The following ADAMTS2 variants were observed in gnomAD, a reference collection of about 807,000 sequenced individuals.
The protein encoded by ADAMTS2 is A disintegrin and metalloproteinase with thrombospondin motifs 2.
A neutral mutation model predicts 123.0 loss-of-function variants in ADAMTS2; 50 were observed. The observed-to-expected ratio is 0.41, with a 90% CI of 0.32 to 0.51. ADAMTS2 has a LOEUF of 0.51. Among genes scored for constraint, ADAMTS2 ranks in the 20% least tolerant of loss-of-function variants. The pLI is 0.35. For missense variants in ADAMTS2, 1,494 were observed against 1,705.2 expected, an observed-to-expected ratio of 0.88 and a Z score of 2.18; for synonymous variants, 678 against 695.4, an observed-to-expected ratio of 0.98 and a Z score of 0.39.
At chr5:179,250,411 G>A (rs1765891529) in intron 3 of ADAMTS2, among the ~76,000 whole-genome samples, 1 of 152,196 alleles carries the variant, frequency 6.6e-6, no homozygotes, top group Non-Finnish European at 1.5e-5. Flanking sequence ...CGTGGGTACA[G>A]GGTTTCTTTT....
chr5:179,123,403 T>TTTTTG (rs1156954102), intron 19 of ADAMTS2, among the ~76,000 whole-genome samples: 19 of 152,264 alleles, frequency 1.2e-4, no homozygotes, highest in South Asian at 1.0e-3. Context: ...AAGGTCTGTG[T>TTTTTG]TTTTGTTTTG....
rs1756722638 is a variant in ADAMTS2, at chr5:179,307,889, C to T, written c.535-34825G>A. Among the ~76,000 whole-genome samples, 1 of 152,184 alleles carries T rather than the reference C, an allele frequency of 6.6e-6. No homozygotes were observed. The highest frequency in any genetic ancestry group is 2.4e-5 in the African/African-American group (1 of 41,426). On this transcript the variant is annotated intron_variant, in intron 2 of 21. Coordinates refer to ENST00000251582, the MANE Select transcript of ADAMTS2 (RefSeq NM_014244.5). This position sits in a 1 kb window ranked among gnomAD's most constrained non-coding sequence, Gnocchi z 5.6. ...TCCTATTTTTTTGTAACACCATTTC[C>T]CAATCATCGACACGTGGGTTCTTTA...
At chr5:179,267,892 T>C (rs1766414950) in intron 3 of ADAMTS2, among the ~76,000 whole-genome samples, 1 of 152,090 alleles carries the variant, frequency 6.6e-6, no homozygotes, top group South Asian at 2.1e-4. Flanking sequence ...ACTTCCTGAG[T>C]GACTCCCCAG....
At chr5:179,299,848 A>G (rs547812101) in intron 2 of ADAMTS2, among the ~76,000 whole-genome samples, 2 of 151,896 alleles carry the variant, frequency 1.3e-5, no homozygotes, top group South Asian at 4.2e-4. Flanking sequence ...TAATCCCAGC[A>G]CTTTGGGAGG....
At chr5:179,342,985 C>T (rs368711292) in intron 2 of ADAMTS2, among the ~76,000 whole-genome samples, 3 of 152,212 alleles carry the variant, frequency 2.0e-5, no homozygotes, top group Admixed American at 6.5e-5. Context: ...GTCCTTCAGG[C>T]GCTGCCCCCA....
At chr5:179,147,140 G>A (rs184971982) in intron 10 of ADAMTS2, among the ~76,000 whole-genome samples, 7 of 152,268 alleles carry the variant, frequency 4.6e-5, no homozygotes, top group African/African-American at 1.7e-4. Flanking sequence ...CCAGGCTGGA[G>A]TGCAGTGGCA....
rs1397401565 is a variant in ADAMTS2 at position 179,260,138 on chromosome 5, G to A, written c.688+12773C>T. The stretch of plus-strand genomic sequence containing the variant: ...CCACCCAATGTCCCATGGGCCCATG[G>A]GACCAGTAGCCACCCACAGCTGCCA... On this transcript the variant is annotated intron_variant, in intron 3 of 21. Coordinates refer to ENST00000251582, the MANE Select transcript of ADAMTS2 (RefSeq NM_014244.5). The surrounding 1 kb of genome is among the most constrained non-coding windows in gnomAD (Gnocchi z 4.2). Among the ~76,000 whole-genome samples, 1 of 152,084 alleles carries A rather than the reference G, an allele frequency of 6.6e-6. No homozygotes were observed. The highest frequency in any genetic ancestry group is 1.5e-5 in the Non-Finnish European group (1 of 67,996).
In ADAMTS2 at chr5:179,226,269, CTTCT is replaced by C. The variant is rs1457591975; in HGVS notation, c.689-18558_689-18555del. 4.1e-3 allele frequency among the ~76,000 whole-genome samples: 520 copies of C among 127,624 alleles called. 2 individuals are homozygous for C. The highest frequency in any genetic ancestry group is 0.014 in the African/African-American group (493 of 35,752). 83.7% of individuals were successfully genotyped at this position (127,624 alleles called of 152,430 possible). On this transcript the variant is annotated intron_variant, in intron 3 of 21. Transcript: ENST00000251582. ...CTTTCTTTCTTCTCTTTCTTCTTTC[CTTCT>C]TTCTTTTTTTTTTTTGAGACAGAGT... is the stretch of plus-strand genomic sequence containing the variant.
At chr5:179,294,488 A>C (rs562940802) in intron 2 of ADAMTS2, among the ~76,000 whole-genome samples, 2 of 152,268 alleles carry the variant, frequency 1.3e-5, no homozygotes, top group South Asian at 4.1e-4. Flanking sequence ...GATCAACCCG[A>C]CCCAGGGATG....
chr5:179,212,748 G>GC (rs111833467), intron 3 of ADAMTS2, among the ~76,000 whole-genome samples: 1,984 of 65,286 alleles, frequency 0.03, 385 homozygotes, highest in Admixed American at 0.069. Flanking sequence ...GCAGGTGTGG[G>GC]CCTGAGGGCG....
At chr5:179,127,893 G>C (rs919478485) in intron 17 of ADAMTS2, 66 bp downstream of exon 17, 1 of 1,604,826 alleles carries the variant, frequency 6.2e-7, no homozygotes, top group African/African-American at 1.3e-5. Flanking sequence ...CCACCCCAGG[G>C]ATGCTCCCTA....
At position 179,332,762 on chromosome 5, in the gene ADAMTS2, G is replaced by A. The variant is rs1757515774; in HGVS notation, c.534+11005C>T. ...GAGGAGTGCAGAGAGGAAGGGAGGG[G>A]AAGGAAGGGAAGGAGAGGAGACCAG... On this transcript the variant is annotated intron_variant, in intron 2 of 21. Transcript: ENST00000251582. The surrounding 1 kb of genome is among the most constrained non-coding windows in gnomAD (Gnocchi z 4.2). Among the ~76,000 whole-genome samples, 1 of 151,998 alleles carries A rather than the reference G, an allele frequency of 6.6e-6. No homozygotes were observed. The highest frequency in any genetic ancestry group is 2.4e-5 in the African/African-American group (1 of 41,398).
At chr5:179,146,851 T>C (rs1384826207) in intron 10 of ADAMTS2, among the ~76,000 whole-genome samples, 12 of 152,226 alleles carry the variant, frequency 7.9e-5, no homozygotes, top group African/African-American at 2.9e-4. Flanking sequence ...TAGAAAATGA[T>C]AAAAGGTATA....
chr5:179,119,765 G>A (rs1259702737), intron 21 of ADAMTS2, among the ~76,000 whole-genome samples: 1 of 152,204 alleles, frequency 6.6e-6, no homozygotes, highest in Non-Finnish European at 1.5e-5. Flanking sequence ...CTCACGGCAG[G>A]TGACCTGGAC....
chr5:179,168,185 C>T (rs976939786), intron 5 of ADAMTS2, among the ~76,000 whole-genome samples: 2 of 152,182 alleles, frequency 1.3e-5, no homozygotes, highest in Non-Finnish European at 2.9e-5. Flanking sequence ...CACCCCTGGG[C>T]ACTCCTTGCC....
intron 2 of ADAMTS2, among the ~76,000 whole-genome samples, chr5:179,287,824 A>G (rs1049131237): frequency 2.6e-5 from 4 of 152,154 alleles, no homozygotes; most frequent in Non-Finnish European, 5.9e-5. Context: ...AGTGTGGGGA[A>G]GACACACTAC....
At chr5:179,330,257 C>A (rs1757448117) in intron 2 of ADAMTS2, among the ~76,000 whole-genome samples, 1 of 152,208 alleles carries the variant, frequency 6.6e-6, no homozygotes. Flanking sequence ...AGGTGGGCAC[C>A]TGCAGGCAGG....
At chr5:179,289,601 T>G (rs1031517049) in intron 2 of ADAMTS2, among the ~76,000 whole-genome samples, 1 of 151,764 alleles carries the variant, frequency 6.6e-6, no homozygotes, top group Non-Finnish European at 1.5e-5. Flanking sequence ...GAAAAAAGAG[T>G]GAAAGAGTGG....
At chr5:179,182,461 A>C (rs572016601) in intron 4 of ADAMTS2, among the ~76,000 whole-genome samples, 5 of 152,248 alleles carry the variant, frequency 3.3e-5, no homozygotes, top group Non-Finnish European at 7.4e-5. Context: ...TTGCTACCTC[A>C]AAACAGTGGG....
Sources: gnomAD v4.1 joint callset for allele counts (sites outside exome capture counted in the v4.1 genomes callset) on GRCh38, gnomAD v4.1.1 for gene constraint, Gnocchi (gnomAD v3.1) non-coding constraint, MANE v1.5 for transcripts, NCBI Gene and HGNC (gene_info 2026-07-23, HGNC 2026-07-21) for gene names.